The following DCAF10 variants were observed in gnomAD, a reference collection of about 807,000 sequenced individuals.
The protein encoded by DCAF10 is DDB1 and CUL4 associated factor 10.
DCAF10 carries 19 observed loss-of-function variants against 51.9 expected under a neutral mutation model. The ratio of observed to expected loss-of-function variants is 0.37; its 90% confidence interval spans 0.26 to 0.54. DCAF10 has a LOEUF of 0.54. Among genes scored for constraint, DCAF10 ranks in the 20% least tolerant of loss-of-function variants. The probability of loss-of-function intolerance (pLI) is 0.87; values close to 1 mark genes in which losing one functional copy is unlikely to be tolerated. For synonymous variants in DCAF10, 291 were observed against 297.1 expected, an observed-to-expected ratio of 0.98 and a Z score of 0.21; for missense variants, 510 against 730.6, an observed-to-expected ratio of 0.70 and a Z score of 3.48.
In DCAF10 at chr9:37,802,509, GGTC is replaced by G. The variant is rs150359933; in HGVS notation, c.539+1107_539+1109del. On this transcript the variant is annotated intron_variant, in intron 1 of 6. Transcript: ENST00000377724. ...AGATGGAGATGATTGGTATGTCAAA[GGTC>G]GTAGAAGGGCAGCATATCATGTTAC... 4.6e-3 allele frequency among the ~76,000 whole-genome samples: 704 copies of G among 152,242 alleles called. 3 individuals are homozygous for G. The highest frequency in any genetic ancestry group is 7.9e-3 in the Non-Finnish European group (537 of 68,024).
rs1218710966 is a variant in DCAF10, at chr9:37,824,473, A to C, written c.653+5072A>C. On this transcript the variant is annotated intron_variant, in intron 2 of 6. Coordinates refer to ENST00000377724, the MANE Select transcript of DCAF10 (RefSeq NM_024345.5). ...AACTAAAATAATGGAAATACAAACC[A>C]TTATAGCTCTCAAAGCAGCAGAAGG... is the stretch of plus-strand genomic sequence containing the variant. Among the ~76,000 whole-genome samples the C allele has an allele frequency of 2.2e-4, 33 of 152,150 alleles. 1 individual carries two copies. Among genetic ancestry groups the C allele is most frequent in the Non-Finnish European group, 4.4e-5 (3 of 68,026 alleles).
chr9:37,859,357 C>A (rs575399540), intron 5 of DCAF10, among the ~76,000 whole-genome samples: 58 of 152,246 alleles, frequency 3.8e-4, no homozygotes, highest in African/African-American at 1.4e-3. Flanking sequence ...TGGTTTTTCA[C>A]GCACCTGAAG....
At chr9:37,822,164 G>GGTGGGAAT (rs1829722651) in intron 2 of DCAF10, among the ~76,000 whole-genome samples, 1 of 152,086 alleles carries the variant, frequency 6.6e-6, no homozygotes, top group Non-Finnish European at 1.5e-5. Flanking sequence ...CTACACTGCT[G>GGTGGGAAT]GTGGGAATGT....
chr9:37,825,706 T>C (rs191620718), intron 2 of DCAF10, among the ~76,000 whole-genome samples: 26 of 152,188 alleles, frequency 1.7e-4, no homozygotes, highest in African/African-American at 6.0e-4. Context: ...AACCTACACA[T>C]GTACCCCTGA....
chr9:37,803,086 C>T (rs1829006853), intron 1 of DCAF10, among the ~76,000 whole-genome samples: 1 of 152,144 alleles, frequency 6.6e-6, no homozygotes. Flanking sequence ...TGTATTTTCT[C>T]ATAACAGTTT....
chr9:37,810,805 A>T (rs1829320139), intron 1 of DCAF10, among the ~76,000 whole-genome samples: 1 of 152,014 alleles, frequency 6.6e-6, no homozygotes, highest in African/African-American at 2.4e-5. Flanking sequence ...GATAGATGAG[A>T]TTACAAGAAT....
chr9:37,851,866 CTGAAA>C (rs142911776), intron 3 of DCAF10, among the ~76,000 whole-genome samples: 3 of 150,874 alleles, frequency 2.0e-5, no homozygotes, highest in East Asian at 1.9e-4. Context: ...GAAAAAGATA[CTGAAA>C]TGAAAAGATA....
At chr9:37,810,012 C>T (rs1340477888) in intron 1 of DCAF10, among the ~76,000 whole-genome samples, 1 of 151,716 alleles carries the variant, frequency 6.6e-6, no homozygotes, top group African/African-American at 2.4e-5. Context: ...AGTAGCTGGG[C>T]ATGGTGGCAA....
upstream of DCAF10, chr9:37,800,604 C>G (rs934632985): frequency 1.3e-6 from 2 of 1,536,162 alleles, no homozygotes; most frequent in Non-Finnish European, 1.7e-6. Context: ...CAGACCGACT[C>G]TGCCACCCAG....
chr9:37,806,674 G>A (rs1172872779), intron 1 of DCAF10, among the ~76,000 whole-genome samples: 6 of 152,170 alleles, frequency 3.9e-5, no homozygotes, highest in Non-Finnish European at 5.9e-5. Flanking sequence ...GCAGATGATC[G>A]AGGCCTGTGG....
Position 37,842,159 on chromosome 9 carries a change from T to C in DCAF10, c.724T>C (p.Leu242=), listed in dbSNP as rs760254629. The change falls in exon 3 of 7, where the codon TTG becomes CTG. Residue 242 remains leucine, a synonymous_variant. Coordinates refer to ENST00000377724, the MANE Select transcript of DCAF10 (RefSeq NM_024345.5). ...TTIALWDLRK[L]NTKVCTLHGH... ...AATAGCACTATGGGATCTGAGAAAA[T>C]TGAACACCAAAGTATGCACTTTACA... 1.8e-5 allele frequency: 29 copies of C among 1,613,782 alleles called. No individual in the cohort carries two copies. The highest frequency in any genetic ancestry group is 2.3e-5 in the Non-Finnish European group (27 of 1,179,936).
chr9:37,832,870 T>C (rs1399268617), intron 2 of DCAF10, among the ~76,000 whole-genome samples: 1 of 151,548 alleles, frequency 6.6e-6, no homozygotes, highest in Non-Finnish European at 1.5e-5. Context: ...GGTTTTGTTT[T>C]GTTTTTTATT....
intron 1 of DCAF10, among the ~76,000 whole-genome samples, chr9:37,816,659 G>GGGGGGGGTGTGTGTGTGT (rs372664140): frequency 1.9e-4 from 28 of 144,976 alleles, no homozygotes; most frequent in East Asian, 6.1e-4. Context: ...CTGCACCTGG[G>GGGGGGGGTGTGTGTGTGT]GTGTGTGTGT....
intron 2 of DCAF10, among the ~76,000 whole-genome samples, chr9:37,838,188 A>G (rs549483900): frequency 1.4e-4 from 22 of 152,354 alleles, no homozygotes; most frequent in African/African-American, 4.3e-4. Context: ...GCAGTTGTAA[A>G]ATCAGCAAGG....
intron 1 of DCAF10, among the ~76,000 whole-genome samples, chr9:37,816,661 T>G (rs111728523): frequency 0.078 from 9,468 of 121,874 alleles, 392 homozygotes; most frequent in Middle Eastern, 0.13. Context: ...GCACCTGGGG[T>G]GTGTGTGTGT....
chr9:37,860,139 C>T lies in DCAF10; in HGVS notation c.1257C>T (p.His419=). 1 of 1,614,102 alleles carries T rather than the reference C, an allele frequency of 6.2e-7. No homozygotes were observed. Among genetic ancestry groups the T allele is most frequent in the Admixed American group, 1.7e-5 (1 of 60,014 alleles). Residue 419 remains histidine (H), a synonymous_variant, in exon 6 of 7, where the codon CAC becomes CAT. Coordinates refer to ENST00000377724, the MANE Select transcript of DCAF10 (RefSeq NM_024345.5). ...HGNCITSLQL[H]PKGWATLLRC... ...ACTGCATCACGTCCTTACAGCTGCACCCAAAAGGCTGGGCCACTCTTCTTC... is the reference window on the plus strand; with the variant it reads ...ACTGCATCACGTCCTTACAGCTGCATCCAAAAGGCTGGGCCACTCTTCTTC...
chr9:37,814,127 T>TTTGTTG (rs60537201), intron 1 of DCAF10, among the ~76,000 whole-genome samples: 18 of 100,632 alleles, frequency 1.8e-4, no homozygotes, highest in South Asian at 1.3e-3. Context: ...TATATATATA[T>TTTGTTG]TTGTTGTTGT....
At chr9:37,803,133 A>G (rs1029375008) in intron 1 of DCAF10, among the ~76,000 whole-genome samples, 1 of 152,222 alleles carries the variant, frequency 6.6e-6, no homozygotes, top group African/African-American at 2.4e-5. Context: ...ACTTAATTCC[A>G]TAATTTTAAA....
intron 3 of DCAF10, among the ~76,000 whole-genome samples, chr9:37,843,286 G>C (rs1830387084): frequency 6.6e-6 from 1 of 152,158 alleles, no homozygotes; most frequent in Non-Finnish European, 1.5e-5. Flanking sequence ...AAAATACAAG[G>C]ATTACAGGCA....
Sources: gnomAD v4.1 joint callset for allele counts (sites outside exome capture counted in the v4.1 genomes callset) on GRCh38, gnomAD v4.1.1 for gene constraint, MANE v1.5 for transcripts, NCBI Gene and HGNC (gene_info 2026-07-23, HGNC 2026-07-21) for gene names.